CDH23: variants seen among roughly 807,000 people sequenced by gnomAD.
The protein encoded by CDH23 is cadherin-23.
In CDH23, 189 loss-of-function variants were observed where a neutral mutation model predicts 317.1. The observed-to-expected ratio is 0.60, with a 90% CI of 0.53 to 0.67. CDH23 has a LOEUF of 0.67. CDH23 is among the 30% of genes least tolerant of loss of function. CDH23 has a pLI of 0.00. For missense variants in CDH23, 4,401 were observed against 4,592.4 expected, an observed-to-expected ratio of 0.96 and a Z score of 1.20; for synonymous variants, 1,839 against 1,876.8, an observed-to-expected ratio of 0.98 and a Z score of 0.52.
chr10:71,704,293 G>A (rs140642723), intron 24 of CDH23, among the ~76,000 whole-genome samples: 3 of 152,292 alleles, frequency 2.0e-5, no homozygotes, highest in African/African-American at 7.2e-5. Context: ...CAGGGTACCA[G>A]GGTCTTGAGT....
chr10:71,623,405 G>A (rs1403235129), intron 11 of CDH23, among the ~76,000 whole-genome samples: 2 of 152,236 alleles, frequency 1.3e-5, no homozygotes, highest in African/African-American at 2.4e-5. Context: ...CCAGGACAGA[G>A]CTCAAGAGGA....
At chr10:71,716,654 A>C (rs779515407) in intron 28 of CDH23, 1 of 275,536 alleles carries the variant, frequency 3.6e-6, no homozygotes, top group Non-Finnish European at 6.8e-6. Context: ...GAATCATCAC[A>C]GGGTCTTAGG....
chr10:71,707,276 AC>A, intron 26 of CDH23: 1 of 1,439,096 alleles, frequency 6.9e-7, no homozygotes, highest in Non-Finnish European at 9.1e-7. Flanking sequence ...GACCTCCTGA[AC>A]CTGTTGGTTG....
chr10:71,685,634 C>T (rs1864843708), intron 18 of CDH23, among the ~76,000 whole-genome samples: 1 of 152,200 alleles, frequency 6.6e-6, no homozygotes, highest in African/African-American at 2.4e-5. Context: ...TTCAAATTCC[C>T]TCAAAGCCAT....
intron 38 of CDH23, among the ~76,000 whole-genome samples, chr10:71,776,075 A>C (rs1840810453): frequency 6.6e-6 from 1 of 152,220 alleles, no homozygotes; most frequent in Non-Finnish European, 1.5e-5. Context: ...ACAACTTTAG[A>C]AATCAAGCCA....
At chr10:71,723,576 C>G (rs1375163133) in intron 28 of CDH23, among the ~76,000 whole-genome samples, 1 of 152,168 alleles carries the variant, frequency 6.6e-6, no homozygotes, top group Non-Finnish European at 1.5e-5. Context: ...GTGACCGTTA[C>G]AGTGTACAGT....
At chr10:71,759,946 CATATATATACACACACAT>C (rs1840278477) in intron 38 of CDH23, among the ~76,000 whole-genome samples, 1 of 93,176 alleles carries the variant, frequency 1.1e-5, no homozygotes, top group Non-Finnish European at 2.6e-5. Context: ...TACACACACA[CATATATATACACACACAT>C]ATATATACAC....
At chr10:71,512,462 C>G (rs1463236456) in intron 6 of CDH23, 1 of 152,286 alleles carries the variant, frequency 6.6e-6, no homozygotes, top group African/African-American at 2.4e-5. Context: ...TGCTCTCTCT[C>G]ATTTGGAAGT....
intron 6 of CDH23, among the ~76,000 whole-genome samples, chr10:71,556,953 CACCCTACTCTTAACATTCACTGA>C (rs926026166): frequency 2.0e-5 from 3 of 152,150 alleles, no homozygotes; most frequent in Non-Finnish European, 2.9e-5. Flanking sequence ...CTGGAGCATG[CACCCTACTCTTAACATTCACTGA>C]ACCCTACTCT....
chr10:71,807,639 G>T lies in CDH23; in HGVS notation c.8432G>T (p.Trp2811Leu). ...FIVKASSNRS[W>L]TPPRGPSPTL... is the part of the protein sequence containing the mutation. Reference sequence around the variant, plus strand: ...GTCAAGGCCTCCAGCAATCGCAGCTGGACACCTCCCCGTGGACCCTCCCCA... The same window carrying T: ...GTCAAGGCCTCCAGCAATCGCAGCTTGACACCTCCCCGTGGACCCTCCCCA... Residue 2811 changes from tryptophan to leucine, a missense_variant, in exon 59 of 70, where the codon TGG (tryptophan) becomes TTG (leucine). Physicochemically the swap from Trp to Leu is moderately conservative, Grantham distance 61. Around this residue, in one of 3 missense-constraint regions of CDH23, gnomAD observed 1,144 missense variants for 1,138.2 expected, o/e 1.01. Coordinates refer to ENST00000224721, the MANE Select transcript of CDH23 (RefSeq NM_022124.6). The T allele has an allele frequency of 1.2e-6, 2 of 1,613,956 alleles. No homozygotes were observed. Among genetic ancestry groups the T allele is most frequent in the Non-Finnish European group, 1.7e-6 (2 of 1,179,864 alleles).
At chr10:71,491,275 C>A (rs1238000888) in intron 3 of CDH23, among the ~76,000 whole-genome samples, 1 of 152,100 alleles carries the variant, frequency 6.6e-6, no homozygotes, top group East Asian at 1.9e-4. Flanking sequence ...TTGCTTGAAC[C>A]CCCTTAGACT....
intron 9 of CDH23, among the ~76,000 whole-genome samples, chr10:71,607,798 G>A (rs1329096682): frequency 2.0e-5 from 3 of 152,214 alleles, no homozygotes; most frequent in Non-Finnish European, 2.9e-5. Flanking sequence ...AGCTACTAGG[G>A]AGGCTGAGGT....
At chr10:71,773,324 CT>C in intron 38 of CDH23, 3 of 1,574,766 alleles carry the variant, frequency 1.9e-6, no homozygotes, top group Non-Finnish European at 1.7e-6. Flanking sequence ...CTTCTCCCAG[CT>C]TTTTCCCAGC....
At chr10:71,422,564 A>G (rs1848865253) in intron 1 of CDH23, among the ~76,000 whole-genome samples, 1 of 152,218 alleles carries the variant, frequency 6.6e-6, no homozygotes. Flanking sequence ...CATGCTGAGG[A>G]TCTCCAAGCT....
At chr10:71,620,751 G>A (rs1415917739) in intron 11 of CDH23, among the ~76,000 whole-genome samples, 1 of 152,324 alleles carries the variant, frequency 6.6e-6, no homozygotes, top group East Asian at 1.9e-4. Context: ...AATGAGGAGA[G>A]GCAGCCCAGG....
rs928589355 is a variant in CDH23 at position 71,679,632 on chromosome 10, C to A, written c.1858+140C>A. The A allele has an allele frequency of 3.2e-5, 22 of 690,990 alleles. No homozygotes were observed. In the African/African-American group the frequency reaches 3.7e-4, roughly 12 times the overall value. 42.8% of individuals were successfully genotyped at this position (690,990 alleles called of 1,614,324 possible). A position where few individuals can be genotyped will look rare whatever the true frequency, so the allele number is the denominator to read the frequency against. ...GCTACTCAGGAAGCTGCCCGGAGCA[C>A]CTGGGGTGGAGCAGGATGTGGCCTG... On this transcript the variant is annotated intron_variant, in intron 17 of 69. Transcript: ENST00000224721.
intron 45 of CDH23, 98 bp from the exon 46 acceptor site, chr10:71,790,190 C>T: frequency 2.0e-6 from 3 of 1,499,222 alleles, no homozygotes; most frequent in South Asian, 1.3e-5. Flanking sequence ...CCTCCCCTCT[C>T]ATCCATCGTC....
At chr10:71,756,689 AC>A (rs1178268920) in intron 38 of CDH23, among the ~76,000 whole-genome samples, 1 of 152,200 alleles carries the variant, frequency 6.6e-6, no homozygotes, top group African/African-American at 2.4e-5. Context: ...TGCCCTCAGA[AC>A]CACAACCAAC....
Position 71,582,890 on chromosome 10 carries a change from C to T in CDH23, c.832+4898C>T, listed in dbSNP as rs116475113. ...CTATGCAGCGGCAGCTTTAATACCT[C>T]GGTGGAACTCTGTGAAGAGGAGGCA... On this transcript the variant is annotated intron_variant, in intron 9 of 69. Transcript: ENST00000224721. Among the ~76,000 whole-genome samples the T allele has an allele frequency of 7.0e-3, 1,066 of 152,268 alleles. 8 individuals carry two copies. The highest frequency in any genetic ancestry group is 0.023 in the African/African-American group (976 of 41,544).
Sources: allele counts gnomAD v4.1 joint callset (sites outside exome capture counted in the v4.1 genomes callset), GRCh38; gene constraint gnomAD v4.1.1; regional missense constraint gnomAD v4.1.1; transcripts MANE v1.5; gene names NCBI Gene and HGNC (gene_info 2026-07-23, HGNC 2026-07-21).